GNAT3: variants seen among roughly 807,000 people sequenced by gnomAD.
The protein encoded by GNAT3 is G protein subunit alpha transducin 3, also known as guanine nucleotide-binding protein G(t) subunit alpha-3.
A neutral mutation model predicts 37.7 loss-of-function variants in GNAT3; 31 were observed. The observed-to-expected ratio is 0.82, with a 90% CI of 0.62 to 1.11. The LOEUF (loss-of-function observed/expected upper bound fraction) is 1.11. Among genes scored for constraint, GNAT3 ranks in the 50% most tolerant of loss-of-function variants. The probability of loss-of-function intolerance (pLI) is 0.00; values close to 1 mark genes in which losing one functional copy is unlikely to be tolerated. For synonymous variants in GNAT3, 138 were observed against 139.8 expected, an observed-to-expected ratio of 0.99 and a Z score of 0.09; for missense variants, 437 against 412.5, an observed-to-expected ratio of 1.06 and a Z score of -0.51.
At position 80,494,629 on chromosome 7, in the gene GNAT3, T is replaced by C; in HGVS notation, c.137A>G (p.Lys46Arg). Residue 46 changes from lysine (K) to arginine (R), a missense_variant, in exon 2 of 8, where the codon AAA becomes AGA. Physicochemically the swap from Lys to Arg is conservative, Grantham distance 26 (BLOSUM62 2). Transcript: ENST00000398291. ...CTTCATTTGTTTAACAATAGTACTT[T>C]TCCCAGATTCTCCTGCTCCTGCAAC... ...LLLLGAGESG[K>R]STIVKQMKII... The C allele has an allele frequency of 1.3e-6, 2 of 1,530,738 alleles. No homozygotes were observed. Among genetic ancestry groups the C allele is most frequent in the Non-Finnish European group, 1.8e-6 (2 of 1,117,948 alleles). The allele number at this position is 1,530,738 out of a possible 1,614,324, so 94.8% of individuals were successfully genotyped here.
At chr7:80,501,270 C>A (rs980951450) in intron 1 of GNAT3, among the ~76,000 whole-genome samples, 2 of 152,000 alleles carry the variant, frequency 1.3e-5, no homozygotes, top group South Asian at 2.1e-4. Context: ...GCATTTTATA[C>A]CCTTCCCCTT....
chr7:80,465,269 GGAAATA>G (rs1790112759), intron 5 of GNAT3, among the ~76,000 whole-genome samples: 1 of 151,986 alleles, frequency 6.6e-6, no homozygotes, highest in African/African-American at 2.4e-5. Flanking sequence ...AAAATGTGGT[GGAAATA>G]GAAATAGTTG....
intron 3 of GNAT3, among the ~76,000 whole-genome samples, chr7:80,485,170 GTT>G (rs35827464): frequency 3.1e-4 from 45 of 146,608 alleles, no homozygotes; most frequent in African/African-American, 9.5e-4. Flanking sequence ...AATATTGTGT[GTT>G]TTTTTTTTTT....
intron 1 of GNAT3, among the ~76,000 whole-genome samples, chr7:80,504,738 GCTT>G (rs1323898516): frequency 2.0e-5 from 3 of 152,154 alleles, no homozygotes; most frequent in Non-Finnish European, 4.4e-5. Context: ...ATGGAATACT[GCTT>G]CTTTAAAACT....
At chr7:80,502,301 T>C (rs1246480047) in intron 1 of GNAT3, among the ~76,000 whole-genome samples, 1 of 152,116 alleles carries the variant, frequency 6.6e-6, no homozygotes, top group African/African-American at 2.4e-5. Context: ...TAAAGTGGTT[T>C]AAAAATGTTA....
At chr7:80,508,367 G>T (rs940056636) in intron 1 of GNAT3, among the ~76,000 whole-genome samples, 1 of 151,868 alleles carries the variant, frequency 6.6e-6, no homozygotes, top group Admixed American at 6.6e-5. Flanking sequence ...ATGGAAACAT[G>T]ATCCATATTG....
intron 1 of GNAT3, 88 bp from the exon 2 acceptor site, chr7:80,494,735 A>AT (rs11382818): frequency 0.15 from 116,576 of 773,156 alleles, 17,607 homozygotes; most frequent in African/African-American, 0.67. Flanking sequence ...ATAATCTTTA[A>AT]TTTTTTTTAA....
At chr7:80,492,198 G>A (rs1267590714) in intron 2 of GNAT3, among the ~76,000 whole-genome samples, 1 of 140,908 alleles carries the variant, frequency 7.1e-6, no homozygotes, top group African/African-American at 2.5e-5. Context: ...AAAAAAATTA[G>A]CTGGGCATGG....
intron 5 of GNAT3, among the ~76,000 whole-genome samples, chr7:80,472,261 G>A (rs1790233564): frequency 6.6e-6 from 1 of 152,060 alleles, no homozygotes; most frequent in African/African-American, 2.4e-5. Context: ...CACCTTGGTT[G>A]ACTGAAATTG....
intron 1 of GNAT3, among the ~76,000 whole-genome samples, chr7:80,507,579 G>A (rs532716079): frequency 6.6e-6 from 1 of 151,864 alleles, no homozygotes; most frequent in Non-Finnish European, 1.5e-5. Flanking sequence ...AGTTTATGTG[G>A]CTAGCCTAAG....
intron 1 of GNAT3, among the ~76,000 whole-genome samples, chr7:80,497,513 G>T (rs963039630): frequency 6.6e-6 from 1 of 150,728 alleles, no homozygotes; most frequent in African/African-American, 2.4e-5. Context: ...CAGAATATCA[G>T]AATATCTTGT....
intron 5 of GNAT3, among the ~76,000 whole-genome samples, chr7:80,467,663 G>A (rs930594290): frequency 7.9e-5 from 12 of 151,944 alleles, no homozygotes; most frequent in Non-Finnish European, 1.0e-4. Flanking sequence ...ATTTTTGGCC[G>A]AAGGAATATT....
chr7:80,492,154 AC>A (rs1172026488), intron 2 of GNAT3, among the ~76,000 whole-genome samples: 2 of 142,742 alleles, frequency 1.4e-5, no homozygotes, highest in Non-Finnish European at 3.0e-5. Flanking sequence ...ATGTGGTGAA[AC>A]CCCAACTCTA....
At chr7:80,461,301 A>G (rs944516193) in intron 7 of GNAT3, among the ~76,000 whole-genome samples, 12 of 152,222 alleles carry the variant, frequency 7.9e-5, no homozygotes, top group African/African-American at 2.6e-4. Context: ...TAATCCCAGC[A>G]CTTTGGGACG....
intron 1 of GNAT3, among the ~76,000 whole-genome samples, chr7:80,498,423 G>C (rs1584194120): frequency 6.6e-6 from 1 of 152,118 alleles, no homozygotes; most frequent in Non-Finnish European, 1.5e-5. Flanking sequence ...TACCATCCTT[G>C]CTTTATGTAG....
At chr7:80,465,855 G>A (rs1334903344) in intron 5 of GNAT3, among the ~76,000 whole-genome samples, 2 of 151,994 alleles carry the variant, frequency 1.3e-5, no homozygotes, top group African/African-American at 4.8e-5. Flanking sequence ...GCTCCATTTG[G>A]TCATATATGA....
chr7:80,468,474 A>G (rs1790159255), intron 5 of GNAT3, among the ~76,000 whole-genome samples: 6 of 152,100 alleles, frequency 3.9e-5, no homozygotes, highest in Admixed American at 3.9e-4. Flanking sequence ...ATTACATAAA[A>G]ATAAAACTCA....
chr7:80,493,875 C>T (rs189275323), intron 2 of GNAT3, among the ~76,000 whole-genome samples: 6 of 146,864 alleles, frequency 4.1e-5, no homozygotes, highest in African/African-American at 1.6e-4. Flanking sequence ...CCTCTTTCCT[C>T]CTCCTCCTCT....
intron 5 of GNAT3, among the ~76,000 whole-genome samples, chr7:80,467,394 T>C (rs1294964261): frequency 6.6e-6 from 1 of 152,166 alleles, no homozygotes; most frequent in Non-Finnish European, 1.5e-5. Flanking sequence ...TAATGCCATC[T>C]GCTATTATTG....
Sources: allele counts gnomAD v4.1 joint callset (sites outside exome capture counted in the v4.1 genomes callset), GRCh38; gene constraint gnomAD v4.1.1; transcripts MANE v1.5; gene names NCBI Gene and HGNC (gene_info 2026-07-23, HGNC 2026-07-21).